Variants in DPP6 observed in about 807,000 individuals in gnomAD.
DPP6 encodes dipeptidyl peptidase like 6, also known as A-type potassium channel modulatory protein DPP6.
In DPP6, 69 loss-of-function variants were observed where a neutral mutation model predicts 122.6. The observed-to-expected ratio is 0.56, with a 90% confidence interval of 0.46 to 0.69. The LOEUF (loss-of-function observed/expected upper bound fraction) is 0.69. Ranked by LOEUF, DPP6 falls within the 30% of genes least tolerant of loss-of-function variation. The pLI is 0.00. For missense variants in DPP6, 928 were observed against 1,116.9 expected (o/e 0.83, Z 2.41); for synonymous variants, 418 against 433.1 (o/e 0.97, Z 0.43).
chr7:154,255,106 T>G (rs2150903545), intron 1 of DPP6, among the ~76,000 whole-genome samples: 1 of 152,250 alleles, frequency 6.6e-6, no homozygotes, highest in Non-Finnish European at 1.5e-5. Context: ...TAAAGGCATG[T>G]GCCAGCAGTT....
intron 7 of DPP6, among the ~76,000 whole-genome samples, chr7:154,678,938 A>G (rs1483816666): frequency 6.6e-6 from 1 of 152,248 alleles, no homozygotes; most frequent in Non-Finnish European, 1.5e-5. Flanking sequence ...CCTTGTGTAA[A>G]TAACGTTCTC....
chr7:154,438,953 TGGA>T (rs2151274434), intron 1 of DPP6, among the ~76,000 whole-genome samples: 1 of 152,014 alleles, frequency 6.6e-6, no homozygotes, highest in East Asian at 1.9e-4. Context: ...GGCCCATGGG[TGGA>T]GGAGGAGGGC....
chr7:154,878,421 A>G (rs1193450702), intron 20 of DPP6, among the ~76,000 whole-genome samples: 1 of 152,246 alleles, frequency 6.6e-6, no homozygotes, highest in African/African-American at 2.4e-5. Context: ...GGCAAAGCTT[A>G]GAGCCGTTGC....
upstream of DPP6, among the ~76,000 whole-genome samples, chr7:154,049,087 G>A (rs1296121704): frequency 2.0e-5 from 3 of 151,098 alleles, no homozygotes; most frequent in African/African-American, 4.9e-5. Flanking sequence ...AATTAAACTC[G>A]ACATTAAATA....
chr7:154,487,535 G>A (rs1166486332), intron 3 of DPP6, among the ~76,000 whole-genome samples: 1 of 152,182 alleles, frequency 6.6e-6, no homozygotes, highest in Admixed American at 6.5e-5. Context: ...GCAGGAGTTT[G>A]TTTTACTTTA....
intron 8 of DPP6, among the ~76,000 whole-genome samples, chr7:154,750,162 T>C (rs1843301824): frequency 6.6e-6 from 1 of 152,196 alleles, no homozygotes. Flanking sequence ...AAAACACGGA[T>C]GGCCGCTGAC....
At chr7:154,878,210 A>C (rs544514803) in intron 20 of DPP6, among the ~76,000 whole-genome samples, 1 of 152,298 alleles carries the variant, frequency 6.6e-6, no homozygotes. Flanking sequence ...CCCCTTCGAC[A>C]CTTGGCTCTG....
At chr7:154,358,747 C>T (rs1811478794) in intron 1 of DPP6, among the ~76,000 whole-genome samples, 1 of 152,128 alleles carries the variant, frequency 6.6e-6, no homozygotes, top group South Asian at 2.1e-4. Flanking sequence ...GCTCTGTCAC[C>T]CAGGCTGGAA....
At chr7:154,330,805 G>C (rs1456230646) in intron 1 of DPP6, among the ~76,000 whole-genome samples, 1 of 152,174 alleles carries the variant, frequency 6.6e-6, no homozygotes, top group African/African-American at 2.4e-5. Context: ...ATAGTGCTCT[G>C]TGTGAAGTTG....
At chr7:154,289,380 C>G (rs910513424) in intron 1 of DPP6, among the ~76,000 whole-genome samples, 2 of 152,158 alleles carry the variant, frequency 1.3e-5, no homozygotes, top group Non-Finnish European at 2.9e-5. Context: ...AAGAGCCCTT[C>G]CCATCTGATC....
chr7:154,228,542 CAGAG>C (rs1273817146), intron 1 of DPP6, among the ~76,000 whole-genome samples: 2 of 152,012 alleles, frequency 1.3e-5, no homozygotes, highest in African/African-American at 2.4e-5. Flanking sequence ...GGCAGGCTAT[CAGAG>C]AGAAATGGAA....
At chr7:154,071,715 T>C (rs1001652591) in intron 1 of DPP6, among the ~76,000 whole-genome samples, 1 of 152,210 alleles carries the variant, frequency 6.6e-6, no homozygotes, top group Non-Finnish European at 1.5e-5. Context: ...CATTTTATTA[T>C]GTTGGATCCT....
chr7:154,673,048 C>T (rs376596673), intron 7 of DPP6, among the ~76,000 whole-genome samples: 58 of 152,238 alleles, frequency 3.8e-4, no homozygotes, highest in African/African-American at 1.3e-3. Context: ...AGAGCCACCA[C>T]CTCATCACAG....
chr7:154,524,972 G>A (rs575102590), intron 3 of DPP6, among the ~76,000 whole-genome samples: 1 of 152,084 alleles, frequency 6.6e-6, no homozygotes, highest in Non-Finnish European at 1.5e-5. Flanking sequence ...GGCTCATTTT[G>A]GGGAGAATGG....
chr7:154,058,836 CG>C (rs1160281055), intron 1 of DPP6: 1 of 148,544 alleles, frequency 6.7e-6, no homozygotes, highest in African/African-American at 2.5e-5. Flanking sequence ...TCCCCTCTTC[CG>C]CCCCTGGCTG....
chr7:153,824,386 CA>C, the DPP6 span, among the ~76,000 whole-genome samples: 463 of 79,426 alleles, frequency 5.8e-3, 1 homozygote, highest in African/African-American at 0.02. Context: ...GAGTCTGTCT[CA>C]AAAAAAAAAA....
At chr7:154,342,127 G>A (rs1809987507) in intron 1 of DPP6, among the ~76,000 whole-genome samples, 1 of 152,200 alleles carries the variant, frequency 6.6e-6, no homozygotes, top group African/African-American at 2.4e-5. Context: ...ATGAAGAAAA[G>A]ACATTACAGC....
intron 1 of DPP6, among the ~76,000 whole-genome samples, chr7:154,372,745 T>G (rs533863251): frequency 6.6e-6 from 1 of 152,286 alleles, no homozygotes; most frequent in African/African-American, 2.4e-5. Context: ...GACTGAACAG[T>G]TGATAGTTTG....
intron 4 of DPP6, among the ~76,000 whole-genome samples, chr7:154,554,546 A>G (rs901099864): frequency 6.6e-6 from 1 of 150,554 alleles, no homozygotes; most frequent in Non-Finnish European, 1.5e-5. Flanking sequence ...TTTATCTACT[A>G]CAGGAAAAAC....
Sources: gnomAD v4.1 joint callset for allele counts (sites outside exome capture counted in the v4.1 genomes callset) on GRCh38, gnomAD v4.1.1 for gene constraint, MANE v1.5 for transcripts, NCBI Gene and HGNC (gene_info 2026-07-23, HGNC 2026-07-21) for gene names.